TJP1: variants seen among roughly 807,000 people sequenced by gnomAD.
TJP1 encodes tight junction protein ZO-1.
In TJP1, 43 loss-of-function variants were observed where a neutral mutation model predicts 194.2. The observed-to-expected ratio is 0.22, with a 90% confidence interval of 0.17 to 0.29. TJP1 has a LOEUF of 0.29. TJP1 is among the 10% of genes least tolerant of loss of function. The pLI is 1.00. For missense variants in TJP1, 1,971 were observed against 2,185.7 expected, an observed-to-expected ratio of 0.90 and a Z score of 1.96; for synonymous variants, 801 against 779.0, an observed-to-expected ratio of 1.03 and a Z score of -0.47.
chr15:29,758,972 A>G (rs543991189), intron 8 of TJP1: 1 of 152,236 alleles, frequency 6.6e-6, no homozygotes, highest in East Asian at 1.9e-4. Flanking sequence ...GATACGAATT[A>G]GCAACCACAT....
In TJP1 at chr15:29,961,696, C is replaced by A. The variant is rs376713709; in HGVS notation, c.174-5332G>T. On this transcript the variant is annotated intron_variant, in intron 1 of 28. Coordinates refer to the TJP1 transcript ENST00000356107. The stretch of plus-strand genomic sequence containing the variant: ...AGACCACAGGCCTGGCCCCTGGAGG[C>A]AGTCCCCCACTTGATCTGCCCATTT... 1.8e-4 allele frequency among the ~76,000 whole-genome samples: 28 copies of A among 152,154 alleles called. 1 individual carries two copies. Among genetic ancestry groups the A allele is most frequent in the East Asian group, 1.7e-3 (9 of 5,182 alleles).
intron 2 of TJP1, among the ~76,000 whole-genome samples, chr15:29,955,753 TAAA>T (rs563535771): frequency 4.2e-4 from 15 of 35,810 alleles, no homozygotes; most frequent in East Asian, 2.2e-3. Context: ...CCTGGCTCTT[TAAA>T]AAAAAAAAAA....
chr15:29,949,831 CACCACCTCCACA>C (rs1185446386), intron 2 of TJP1, among the ~76,000 whole-genome samples: 1 of 76,998 alleles, frequency 1.3e-5, no homozygotes, highest in African/African-American at 5.2e-5. Context: ...CCTCCACCAC[CACCACCTCCACA>C]ACCACCACCT....
intron 4 of TJP1, among the ~76,000 whole-genome samples, chr15:29,768,202 T>G (rs114464591): frequency 6.6e-6 from 1 of 152,238 alleles, no homozygotes; most frequent in East Asian, 1.9e-4. Context: ...GAAACAACGC[T>G]GAAGCTCAAG....
intron 3 of TJP1, among the ~76,000 whole-genome samples, chr15:29,773,002 A>C (rs1205150393): frequency 6.6e-6 from 1 of 152,134 alleles, no homozygotes; most frequent in Non-Finnish European, 1.5e-5. Flanking sequence ...TCCTGGTCTC[A>C]AGTGATCCCC....
intron 4 of TJP1, 63 bp downstream of exon 4, chr15:29,772,001 C>T (rs890891073): frequency 1.6e-5 from 17 of 1,030,358 alleles, no homozygotes; most frequent in African/African-American, 1.6e-4. Context: ...AATTCAAATA[C>T]CAGAAATGTA....
intron 15 of TJP1, 127 bp downstream of exon 15, chr15:29,732,306 G>T (rs781338787): frequency 1.0e-4 from 83 of 793,084 alleles, no homozygotes; most frequent in Middle Eastern, 3.8e-4. Context: ...CAAATTAAAA[G>T]AATGGGATAA....
chr15:29,707,721 T>C (rs1230335463), intron 25 of TJP1, among the ~76,000 whole-genome samples: 1 of 152,224 alleles, frequency 6.6e-6, no homozygotes, highest in East Asian at 1.9e-4. Context: ...CTTTGTCTCA[T>C]TTGCTCAGCC....
chr15:29,895,874 C>CAAA (rs2053460281), intron 2 of TJP1, among the ~76,000 whole-genome samples: 1 of 152,160 alleles, frequency 6.6e-6, no homozygotes, highest in Admixed American at 6.5e-5. Context: ...TCTCTGGAGG[C>CAAA]TGAGAAGTCC....
intron 1 of TJP1, among the ~76,000 whole-genome samples, chr15:29,818,965 G>A (rs2050134115): frequency 1.3e-5 from 2 of 149,806 alleles, no homozygotes; most frequent in South Asian, 2.1e-4. Flanking sequence ...TTATAGGCAC[G>A]CGCCACCATG....
rs1357988146 is a variant in TJP1, at chr15:29,772,110, G to C, written c.266C>G (p.Ala89Gly). Residue 89 changes from alanine to glycine, a missense_variant, in exon 4 of 28, where the codon GCT (alanine) becomes GGT (glycine). Transcript: ENST00000614355. ...TTTCCTTAGTTGCTGAACAGCAAAA[G>C]CATGTTCAACATTATCCATTGAAAC... is the stretch of plus-strand genomic sequence containing the variant. ...NGVSMDNVEH[A>G]FAVQQLRKSG... 1 of 1,604,722 alleles carries C rather than the reference G, an allele frequency of 6.2e-7. No homozygotes were observed. Among genetic ancestry groups the C allele is most frequent in the Non-Finnish European group, 8.5e-7 (1 of 1,177,148 alleles).
At chr15:29,954,419 G>T (rs953661206) in intron 2 of TJP1, among the ~76,000 whole-genome samples, 1 of 151,958 alleles carries the variant, frequency 6.6e-6, no homozygotes, top group Non-Finnish European at 1.5e-5. Context: ...ACAATGTTTT[G>T]CACAATAGAA....
chr15:29,704,183 T>C lies in TJP1; in HGVS notation c.5191A>G (p.Lys1731Glu). Residue 1731 changes from lysine to glutamate, a missense_variant, in exon 27 of 28, where the codon AAA (lysine) becomes GAA (glutamate). This residue lies in a region of TJP1 where 1,108 missense variants were observed against 1,128.5 expected (regional missense o/e 0.98). Transcript: ENST00000614355. ...ATACCCGACGAGGAGTCGGATGATT[T>C]TAGAGCAAAAGACCAACCGTCAGGA... Reference protein sequence around the residue: ...MTPDGWSFALKSSDSSSGDPK... With the variant: ...MTPDGWSFALESSDSSSGDPK... 1 of 1,567,402 alleles carries C rather than the reference T, an allele frequency of 6.4e-7. No individual in the cohort carries two copies.
chr15:29,719,530 T>C (rs1031017751), intron 20 of TJP1, among the ~76,000 whole-genome samples: 5 of 152,158 alleles, frequency 3.3e-5, no homozygotes, highest in African/African-American at 1.2e-4. Context: ...TTCTGGAAGA[T>C]ACTGAAAGCC....
intron 4 of TJP1, among the ~76,000 whole-genome samples, chr15:29,770,476 C>T (rs960375101): frequency 4.0e-5 from 6 of 150,530 alleles, no homozygotes; most frequent in South Asian, 2.1e-4. Context: ...GAGGCCGAGG[C>T]GGGGCGGATC....
intron 2 of TJP1, among the ~76,000 whole-genome samples, chr15:29,895,499 C>G (rs1245155623): frequency 6.6e-6 from 1 of 152,148 alleles, no homozygotes; most frequent in Non-Finnish European, 1.5e-5. Flanking sequence ...ATAACATGTT[C>G]CTCATTTCCG....
At chr15:29,930,146 G>C (rs552345716) in intron 2 of TJP1, among the ~76,000 whole-genome samples, 2 of 152,158 alleles carry the variant, frequency 1.3e-5, no homozygotes, top group East Asian at 3.9e-4. Flanking sequence ...GCCCTAGATG[G>C]TATTATCAGC....
chr15:29,735,447 C>T (rs778601677), intron 11 of TJP1, among the ~76,000 whole-genome samples: 2 of 151,674 alleles, frequency 1.3e-5, no homozygotes, highest in South Asian at 2.1e-4. Context: ...AAATTTGCCA[C>T]GTGTGGTGGC....
At chr15:29,705,872 T>C in intron 25 of TJP1, 127 bp from the exon 26 acceptor site, 1 of 769,326 alleles carries the variant, frequency 1.3e-6, no homozygotes, top group Non-Finnish European at 2.1e-6. Context: ...TTTAACAAGA[T>C]AAGTTTCTGG....
Sources: gnomAD v4.1 joint callset for allele counts (sites outside exome capture counted in the v4.1 genomes callset) on GRCh38, gnomAD v4.1.1 for gene constraint, gnomAD v4.1.1 regional missense constraint, MANE v1.5 for transcripts, NCBI Gene and HGNC (gene_info 2026-07-23, HGNC 2026-07-21) for gene names.